The following PSMA1 variants were observed in gnomAD, a reference collection of about 807,000 sequenced individuals.
The protein encoded by PSMA1 is proteasome subunit alpha type-1.
Under a neutral mutation model 38.4 loss-of-function variants are expected in PSMA1, and 3 were observed. That is an observed-to-expected ratio of 0.08 (90% CI 0.04 to 0.20). The LOEUF (loss-of-function observed/expected upper bound fraction) is 0.20. Among genes scored for constraint, PSMA1 ranks in the 10% least tolerant of loss-of-function variants. PSMA1 has a pLI of 1.00. For missense variants in PSMA1, 227 were observed against 325.3 expected (o/e 0.70, Z 2.32); for synonymous variants, 101 against 107.1 (o/e 0.94, Z 0.35).
At chr11:14,520,659 AGTC>A, upstream of PSMA1, 1 of 414,250 alleles carries the variant, frequency 2.4e-6, no homozygotes, top group Non-Finnish European at 4.3e-6. Context: ...CTGCATCTAA[AGTC>A]GTCCGAGTCA....
At chr11:14,632,591 C>T (rs981093359) in intron 1 of PSMA1, among the ~76,000 whole-genome samples, 1 of 151,402 alleles carries the variant, frequency 6.6e-6, no homozygotes, top group Non-Finnish European at 1.5e-5. Flanking sequence ...TCTTTGGCTG[C>T]CCTTAACATT....
intron 4 of PSMA1, 91 bp from the exon 5 acceptor site, chr11:14,514,582 G>T: frequency 1.0e-6 from 1 of 984,310 alleles, no homozygotes; most frequent in Non-Finnish European, 1.4e-6. Flanking sequence ...ATTCTTCCAA[G>T]CGTTTACATG....
intron 1 of PSMA1, among the ~76,000 whole-genome samples, chr11:14,643,096 C>G (rs1225214070): frequency 1.3e-5 from 2 of 151,098 alleles, no homozygotes; most frequent in African/African-American, 4.9e-5. Context: ...TTGAGCAACA[C>G]TCAAGAACGT....
intron 2 of PSMA1, among the ~76,000 whole-genome samples, chr11:14,586,003 C>T (rs1418026966): frequency 6.6e-6 from 1 of 152,184 alleles, no homozygotes; most frequent in Non-Finnish European, 1.5e-5. Flanking sequence ...AAAAAATTTA[C>T]AATCTTGCCA....
intron 2 of PSMA1, among the ~76,000 whole-genome samples, chr11:14,565,198 C>A (rs1253464236): frequency 2.0e-5 from 3 of 152,094 alleles, no homozygotes; most frequent in Non-Finnish European, 4.4e-5. Flanking sequence ...TTTAGTATGC[C>A]TTTATTATCC....
At position 14,578,952 on chromosome 11, in the gene PSMA1, T is replaced by G. The variant is rs773926198; in HGVS notation, c.21+32014A>C. On this transcript the variant is annotated intron_variant, in intron 2 of 10. Coordinates refer to the PSMA1 transcript ENST00000418988. ...TTGTCTGCTGGGTAGTTTTATTTTA[T>G]CTCATTGAATCATCTCAACATTCTG... 3.2e-4 allele frequency among the ~76,000 whole-genome samples: 49 copies of G among 152,184 alleles called. 1 individual carries two copies. The highest frequency in any genetic ancestry group is 5.7e-4 in the Non-Finnish European group (39 of 68,028).
chr11:14,525,308 G>A (rs918407940), upstream of PSMA1, among the ~76,000 whole-genome samples: 6 of 151,970 alleles, frequency 3.9e-5, no homozygotes, highest in African/African-American at 1.5e-4. Context: ...CCAGTTCAAA[G>A]CCTCCTTCAC....
intron 1 of PSMA1, among the ~76,000 whole-genome samples, chr11:14,627,280 C>A (rs10500803): frequency 6.6e-6 from 1 of 152,058 alleles, no homozygotes; most frequent in Non-Finnish European, 1.5e-5. Context: ...AGGGTCTATT[C>A]GAAACTATGC....
intron 1 of PSMA1, among the ~76,000 whole-genome samples, chr11:14,642,724 T>C (rs911470350): frequency 3.9e-5 from 6 of 152,198 alleles, no homozygotes; most frequent in Admixed American, 6.5e-5. Flanking sequence ...AAGGCAGTTA[T>C]GATTGGTTAG....
At chr11:14,590,074 A>G (rs904190334) in intron 2 of PSMA1, among the ~76,000 whole-genome samples, 1 of 152,268 alleles carries the variant, frequency 6.6e-6, no homozygotes, top group African/African-American at 2.4e-5. Flanking sequence ...GACATCATAC[A>G]AATGAAATAA....
At chr11:14,614,574 A>G (rs1028414784) in intron 1 of PSMA1, among the ~76,000 whole-genome samples, 1 of 152,158 alleles carries the variant, frequency 6.6e-6, no homozygotes, top group African/African-American at 2.4e-5. Context: ...TCTCACACAA[A>G]GCTACTCTGC....
intron 2 of PSMA1, among the ~76,000 whole-genome samples, chr11:14,601,444 T>A (rs1328083081): frequency 6.6e-6 from 1 of 152,150 alleles, no homozygotes; most frequent in East Asian, 1.9e-4. Context: ...AGGCTGCCGT[T>A]CTTCCACCTC....
chr11:14,515,075 C>T (rs1041517882), intron 4 of PSMA1, among the ~76,000 whole-genome samples: 1 of 152,152 alleles, frequency 6.6e-6, no homozygotes, highest in African/African-American at 2.4e-5. Context: ...AGAATTTATG[C>T]CTATAAATAA....
In PSMA1 at chr11:14,602,197, A is replaced by G. The variant is rs371090337; in HGVS notation, c.21+8769T>C. On this transcript the variant is annotated intron_variant, in intron 2 of 10. Transcript: ENST00000418988. ...AGAAACTCATGAACACTAAATTACA[A>G]TTGGAGAGGGAATTTCAGTTATGTG... is the stretch of plus-strand genomic sequence containing the variant. 8.5e-5 allele frequency among the ~76,000 whole-genome samples: 13 copies of G among 152,310 alleles called. No homozygotes were observed. The East Asian group carries it at 2.5e-3, about 29-fold the overall frequency.
chr11:14,508,577 A>AAAAAAAAAAAACAAAAAAAAAT (rs1851288732), intron 8 of PSMA1, among the ~76,000 whole-genome samples: 1 of 149,850 alleles, frequency 6.7e-6, no homozygotes, highest in African/African-American at 2.4e-5. Context: ...AAAAAAAAAA[A>AAAAAAAAAAAACAAAAAAAAAT]CCCAGATTGT....
At chr11:14,592,471 C>T (rs1311888861) in intron 2 of PSMA1, among the ~76,000 whole-genome samples, 1 of 151,852 alleles carries the variant, frequency 6.6e-6, no homozygotes, top group Non-Finnish European at 1.5e-5. Context: ...CTGCAAGCTC[C>T]ACCTCCTGGT....
At chr11:14,597,139 C>T (rs559728210) in intron 2 of PSMA1, among the ~76,000 whole-genome samples, 127 of 152,204 alleles carry the variant, frequency 8.3e-4, no homozygotes, top group Non-Finnish European at 1.6e-3. Context: ...CTGCTGGATT[C>T]GGTTTGCCAG....
chr11:14,602,881 T>C (rs1350752835), intron 2 of PSMA1, among the ~76,000 whole-genome samples: 1 of 152,122 alleles, frequency 6.6e-6, no homozygotes, highest in Non-Finnish European at 1.5e-5. Flanking sequence ...CTCAGAAAGA[T>C]CAAGTGACCC....
At chr11:14,627,332 C>A (rs1430076995) in intron 1 of PSMA1, among the ~76,000 whole-genome samples, 18 of 152,170 alleles carry the variant, frequency 1.2e-4, no homozygotes, top group Admixed American at 8.5e-4. Context: ...CCTCCTGCCT[C>A]AGGGTTACTT....
Sources: gnomAD v4.1 joint callset for allele counts (sites outside exome capture counted in the v4.1 genomes callset) on GRCh38, gnomAD v4.1.1 for gene constraint, MANE v1.5 for transcripts, NCBI Gene and HGNC (gene_info 2026-07-23, HGNC 2026-07-21) for gene names.